Variants in MICAL2 observed in about 807,000 individuals in gnomAD.
MICAL2 encodes the protein microtubule associated monooxygenase, calponin and LIM domain containing 2.
In MICAL2, 77 loss-of-function variants were observed where a neutral mutation model predicts 127.3. That is an observed-to-expected ratio of 0.60 (90% CI 0.50 to 0.73). The LOEUF (loss-of-function observed/expected upper bound fraction) is 0.73, where lower values mean the gene tolerates loss of function less well. MICAL2 is among the 30% of genes least tolerant of loss of function. MICAL2 has a pLI of 0.00. For synonymous variants in MICAL2, 570 were observed against 551.1 expected, an observed-to-expected ratio of 1.03 and a Z score of -0.48; for missense variants, 1,351 against 1,434.4, an observed-to-expected ratio of 0.94 and a Z score of 0.94.
At chr11:12,265,810 A>C (rs1863605775), downstream of MICAL2, among the ~76,000 whole-genome samples, 1 of 152,174 alleles carries the variant, frequency 6.6e-6, no homozygotes, top group African/African-American at 2.4e-5. Context: ...TTTTAAAGGA[A>C]GTAAATTAAT....
At chr11:12,248,750 G>GACCTGGTAGGAGGATAAATCTCAGGGAC (rs3842644) in intron 21 of MICAL2, among the ~76,000 whole-genome samples, 104,230 of 149,554 alleles carry the variant, frequency 0.7, 36,719 homozygotes, top group Middle Eastern at 0.8. Flanking sequence ...GCCTTTGTTT[G>GACCTGGTAGGAGGATAAATCTCAGGGAC]ACCTGGTAGG....
intron 1 of MICAL2, among the ~76,000 whole-genome samples, chr11:12,112,824 G>T (rs1388565155): frequency 6.6e-6 from 1 of 152,164 alleles, no homozygotes; most frequent in Admixed American, 6.5e-5. Flanking sequence ...AACTATGCCT[G>T]GTTGTGGCTG....
intron 2 of MICAL2, among the ~76,000 whole-genome samples, chr11:12,157,270 TG>T (rs1477484713): frequency 6.6e-6 from 1 of 152,142 alleles, no homozygotes; most frequent in African/African-American, 2.4e-5. Context: ...CAGATCGGGA[TG>T]GGGAGGCTCC....
chr11:12,159,914 G>T (rs528455586), intron 2 of MICAL2, among the ~76,000 whole-genome samples: 3 of 152,282 alleles, frequency 2.0e-5, no homozygotes, highest in Admixed American at 2.0e-4. Flanking sequence ...AGGAATCCAC[G>T]CTTGTCGCAC....
rs140698008 is a variant in MICAL2 at position 12,189,412 on chromosome 11, T to A, written c.265-14838T>A. Among the ~76,000 whole-genome samples the A allele has an allele frequency of 8.0e-3, 1,212 of 152,338 alleles. 19 individuals are homozygous for A. Among genetic ancestry groups the A allele is most frequent in the African/African-American group, 0.026 (1,062 of 41,572 alleles). The stretch of plus-strand genomic sequence containing the variant: ...AGATATGATGCCTAGAAAATAGCTG[T>A]TCATTCAGTGTTTTTTGAATGAATG... On this transcript the variant is annotated intron_variant, in intron 3 of 27. Transcript: ENST00000683283.
At chr11:12,248,817 C>A (rs977919885) in intron 21 of MICAL2, among the ~76,000 whole-genome samples, 1 of 65,096 alleles carries the variant, frequency 1.5e-5, no homozygotes, top group Non-Finnish European at 3.5e-5. Context: ...GTTCCTCCTT[C>A]TATCCTGGGA....
intron 3 of MICAL2, among the ~76,000 whole-genome samples, chr11:12,186,208 A>C (rs2133985007): frequency 6.6e-6 from 1 of 152,346 alleles, no homozygotes; most frequent in Non-Finnish European, 1.5e-5. Context: ...GATCTTGCCT[A>C]CGCAGGAATA....
intron 30 of MICAL2, chr11:12,323,909 TAAC>T: frequency 6.6e-7 from 1 of 1,520,924 alleles, no homozygotes; most frequent in Non-Finnish European, 8.9e-7. Context: ...TAGAAGCCTA[TAAC>T]GATATTTTGT....
At chr11:12,321,973 A>G (rs981228859) in intron 30 of MICAL2, among the ~76,000 whole-genome samples, 12 of 152,036 alleles carry the variant, frequency 7.9e-5, no homozygotes, top group African/African-American at 2.7e-4. Context: ...GGCAGTATAG[A>G]CCAAATGAAA....
chr11:12,214,696 A>C (rs1855933323), intron 7 of MICAL2, among the ~76,000 whole-genome samples: 1 of 152,192 alleles, frequency 6.6e-6, no homozygotes, highest in African/African-American at 2.4e-5. Flanking sequence ...AGCATCCATA[A>C]ATAAAAGCTG....
chr11:12,180,122 C>G (rs1428042090), intron 3 of MICAL2, among the ~76,000 whole-genome samples: 1 of 152,120 alleles, frequency 6.6e-6, no homozygotes, highest in South Asian at 2.1e-4. Flanking sequence ...TTCAGGGCCA[C>G]TAGAGGCCTT....
chr11:12,265,983 A>G (rs149337987), downstream of MICAL2, among the ~76,000 whole-genome samples: 13,470 of 152,034 alleles, frequency 0.089, 1,149 homozygotes, highest in African/African-American at 0.22. Context: ...ACGGTGGCAC[A>G]TGCCTTTAAT....
chr11:12,215,161 AG>A (rs1431423909), intron 7 of MICAL2, among the ~76,000 whole-genome samples: 1 of 152,246 alleles, frequency 6.6e-6, no homozygotes, highest in Non-Finnish European at 1.5e-5. Context: ...AATATAAATG[AG>A]AGCAGGACAT....
At chr11:12,189,546 G>C (rs1389627462) in intron 3 of MICAL2, among the ~76,000 whole-genome samples, 1 of 152,164 alleles carries the variant, frequency 6.6e-6, no homozygotes, top group Non-Finnish European at 1.5e-5. Context: ...CCCTTTAATA[G>C]TTTTGCAGGG....
Position 12,334,770 on chromosome 11 carries a change from A to G in MICAL2, c.5515+7504A>G, listed in dbSNP as rs563965102. Reference sequence around the variant, plus strand: ...GGTTTCCAGCTTTATCCATGTCCCTACAAAGGACATGAACTCATCATTTTT... The same window carrying G: ...GGTTTCCAGCTTTATCCATGTCCCTGCAAAGGACATGAACTCATCATTTTT... On this transcript the variant is annotated intron_variant, in intron 32 of 34. Transcript: ENST00000646065. Among the ~76,000 whole-genome samples, 262 of 151,740 alleles carry G rather than the reference A, an allele frequency of 1.7e-3. 2 individuals carry two copies. Among genetic ancestry groups the G allele is most frequent in the Admixed American group, 2.0e-3 (31 of 15,236 alleles).
In MICAL2 at chr11:12,242,664, A is replaced by G; in HGVS notation, c.2557-7A>G. 1.2e-6 allele frequency: 2 copies of G among 1,607,002 alleles called. No homozygotes were observed. Among genetic ancestry groups the G allele is most frequent in the Non-Finnish European group, 1.7e-6 (2 of 1,175,080 alleles). On this transcript the variant is annotated splice_polypyrimidine_tract_variant and splice_region_variant and intron_variant, in intron 19 of 27. Coordinates refer to ENST00000683283, the MANE Select transcript of MICAL2 (RefSeq NM_001282663.2). ...CTTTTCTTTCTCCTTTCTCACCTTC[A>G]CTGCAGAAGAGGGCTCAGAACTTGG...
chr11:12,312,810 T>A (rs945828522), intron 29 of MICAL2, among the ~76,000 whole-genome samples: 2 of 152,202 alleles, frequency 1.3e-5, no homozygotes, highest in African/African-American at 4.8e-5. Flanking sequence ...TTTCTTGGCC[T>A]CTCTGTACAG....
intron 26 of MICAL2, chr11:12,260,769 A>ATCTG: frequency 1.0e-6 from 1 of 985,478 alleles, no homozygotes; most frequent in Non-Finnish European, 1.2e-6. Context: ...GTTGGCTGTT[A>ATCTG]TCTGTCCCCC....
chr11:12,346,780 C>T (rs1049175433), intron 32 of MICAL2, among the ~76,000 whole-genome samples: 2 of 152,162 alleles, frequency 1.3e-5, no homozygotes, highest in Non-Finnish European at 2.9e-5. Context: ...CGCCCCTGTC[C>T]GGCACCACTA....
Sources: allele counts gnomAD v4.1 joint callset (sites outside exome capture counted in the v4.1 genomes callset), GRCh38; gene constraint gnomAD v4.1.1; transcripts MANE v1.5; gene names NCBI Gene and HGNC (gene_info 2026-07-23, HGNC 2026-07-21).